The following C1orf167 variants were observed in gnomAD, a reference collection of about 807,000 sequenced individuals.
C1orf167 encodes uncharacterized protein C1orf167.
In C1orf167, 153 loss-of-function variants were observed where a neutral mutation model predicts 176.5. That is an observed-to-expected ratio of 0.87 (90% CI 0.76 to 0.99). The LOEUF (loss-of-function observed/expected upper bound fraction) is 0.99. C1orf167 is among the 50% of genes least tolerant of loss of function. C1orf167 has a pLI of 0.00. For synonymous variants in C1orf167, 594 were observed against 752.7 expected (o/e 0.79, Z 3.45); for missense variants, 1,490 against 1,817.7 (o/e 0.82, Z 3.28).
intron 1 of C1orf167, among the ~76,000 whole-genome samples, chr1:11,763,425 A>C (rs1193422900): frequency 2.0e-5 from 3 of 148,908 alleles, no homozygotes; most frequent in Non-Finnish European, 4.5e-5. Context: ...CCTGGGTGGC[A>C]AAGTGAGACT....
chr1:11,775,283 C>T (rs1056344202), intron 8 of C1orf167, among the ~76,000 whole-genome samples, 152 bp from the exon 9 acceptor site: 2 of 152,108 alleles, frequency 1.3e-5, no homozygotes, highest in South Asian at 2.1e-4. Context: ...AGTGAAACTC[C>T]GTCTACAAAC....
rs1348678321 is a variant in C1orf167, at chr1:11,784,390, G to A, written c.3222G>A (p.Gly1074=). The change falls in exon 15 of 21, where the codon GGG becomes GGA. Residue 1074 remains glycine, a synonymous_variant. Coordinates refer to ENST00000688073, the MANE Select transcript of C1orf167 (RefSeq NM_001010881.2). ...RSCGQQGQED[G]QQKKARAPQA... is the part of the protein sequence containing the mutation. ...GCGGGCAGCAAGGCCAGGAAGATGG[G>A]CAGCAGAAGAAGGCCCGGGCCCCAC... 1 of 1,304,114 alleles carries A rather than the reference G, an allele frequency of 7.7e-7. No homozygotes were observed. Among genetic ancestry groups the A allele is most frequent in the Admixed American group, 2.3e-5 (1 of 43,578 alleles). 80.8% of individuals were successfully genotyped at this position (1,304,114 alleles called of 1,614,324 possible). A position where few individuals can be genotyped will look rare whatever the true frequency, so the allele number is the denominator to read the frequency against.
In C1orf167 at chr1:11,766,328, T is replaced by A; in HGVS notation, c.542T>A (p.Phe181Tyr). The A allele has an allele frequency of 1.6e-6, 2 of 1,285,194 alleles. No individual in the cohort carries two copies. Among genetic ancestry groups the A allele is most frequent in the Non-Finnish European group, 2.0e-6 (2 of 987,076 alleles). The allele number at this position is 1,285,194 out of a possible 1,614,324, so 79.6% of individuals were successfully genotyped here. ...GCCCCAGGCACCCCTAGCGGGGACT[T>A]CAGGCCCACTGAAGCCTTTGCCCCT... is the stretch of plus-strand genomic sequence containing the variant. ...LPAPGTPSGD[F>Y]RPTEAFAPLD... The change falls in exon 3 of 21, where the codon TTC (phenylalanine) becomes TAC (tyrosine). Residue 181 changes from phenylalanine (F) to tyrosine (Y), a missense_variant. Transcript: ENST00000688073. The surrounding 1 kb of genome is among the most constrained non-coding windows in gnomAD (Gnocchi z 4.5).
chr1:11,789,220 C>A, intron 20 of C1orf167, 50 bp from the exon 21 acceptor site: 1 of 1,294,722 alleles, frequency 7.7e-7, no homozygotes. Flanking sequence ...ACAGCACAGA[C>A]CCCGGAGAAA....
intron 14 of C1orf167, among the ~76,000 whole-genome samples, chr1:11,783,671 G>T (rs988214840): frequency 2.0e-5 from 3 of 152,144 alleles, no homozygotes; most frequent in Non-Finnish European, 4.4e-5. Flanking sequence ...CATACTGCTG[G>T]TTCCCATCCC....
chr1:11,788,146 C>T lies in C1orf167; in HGVS notation c.3849-3C>T. On this transcript the variant is annotated splice_region_variant and splice_polypyrimidine_tract_variant and intron_variant, in intron 18 of 20. Coordinates refer to ENST00000688073, the MANE Select transcript of C1orf167 (RefSeq NM_001010881.2). ...TGGCTACAGCTGGGCCCTCTCTGGC[C>T]AGTGCTCGTTCCTGCAGGATCCTGG... is the stretch of plus-strand genomic sequence containing the variant. The T allele has an allele frequency of 7.8e-7, 1 of 1,284,442 alleles. No individual in the cohort carries two copies. Among genetic ancestry groups the T allele is most frequent in the East Asian group, 5.7e-5 (1 of 17,524 alleles). The allele number at this position is 1,284,442 out of a possible 1,614,324, so 79.6% of individuals were successfully genotyped here. A position where few individuals can be genotyped will look rare whatever the true frequency, so the allele number is the denominator to read the frequency against.
rs368759971 is a variant in C1orf167, at chr1:11,766,914, G to A, written c.1128G>A (p.Gly376=). 2 of 1,225,614 alleles carry A rather than the reference G, an allele frequency of 1.6e-6. No individual in the cohort carries two copies. The highest frequency in any genetic ancestry group is 2.1e-6 in the Non-Finnish European group (2 of 956,094). 75.9% of individuals were successfully genotyped at this position (1,225,614 alleles called of 1,614,324 possible). Residue 376 remains glycine, a synonymous_variant, in exon 3 of 21, where the codon GGG becomes GGA. Coordinates refer to ENST00000688073, the MANE Select transcript of C1orf167 (RefSeq NM_001010881.2). The surrounding 1 kb of genome is among the most constrained non-coding windows in gnomAD (Gnocchi z 4.5). The part of the protein sequence containing the change: ...AQRGDPSLPR[G]VGSRGTDPCS... The stretch of plus-strand genomic sequence containing the variant: ...GGGGTGACCCCAGTCTCCCTCGAGG[G>A]GTGGGAAGCAGGGGGACCGACCCCT...
chr1:11,775,338 C>A, intron 8 of C1orf167, 97 bp from the exon 9 acceptor site: 1 of 987,246 alleles, frequency 1.0e-6, no homozygotes, highest in Non-Finnish European at 1.3e-6. Flanking sequence ...AGTGGCTTGC[C>A]CAAGGCCTGG....
Position 11,768,266 on chromosome 1 carries a change from C to A in C1orf167, c.1533C>A (p.Ser511Arg), listed in dbSNP as rs769590177. 1 of 1,289,904 alleles carries A rather than the reference C, an allele frequency of 7.8e-7. No individual in the cohort carries two copies. The highest frequency in any genetic ancestry group is 1.2e-5 in the South Asian group (1 of 81,014). 79.9% of individuals were successfully genotyped at this position (1,289,904 alleles called of 1,614,324 possible). Reference protein sequence around the residue: ...GQYTKVLLVRSFREWRNLALQ... With the variant: ...GQYTKVLLVRRFREWRNLALQ... ...ACACAAAGGTTCTGCTGGTCCGGAG[C>A]TTCCGAGAGGTCAGCGGTCTCCAGG... Residue 511 changes from serine (S) to arginine (R), a missense_variant, in exon 5 of 21, where the codon AGC (serine) becomes AGA (arginine). Transcript: ENST00000688073. This position sits in a 1 kb window ranked among gnomAD's most constrained non-coding sequence, Gnocchi z 4.5.
At chr1:11,764,289 G>C in intron 1 of C1orf167, 42 bp from the exon 2 acceptor site, 1 of 765,236 alleles carries the variant, frequency 1.3e-6, no homozygotes, top group Non-Finnish European at 2.0e-6. Context: ...AGAATGGGGT[G>C]GGGTTGAATG....
intron 13 of C1orf167, among the ~76,000 whole-genome samples, chr1:11,781,324 T>C (rs1171172871): frequency 6.6e-6 from 1 of 152,108 alleles, no homozygotes; most frequent in African/African-American, 2.4e-5. Context: ...TAACCTGATA[T>C]CAGAAGTGAC....
Position 11,788,688 on chromosome 1 carries a change from T to G in C1orf167, c.4115T>G (p.Val1372Gly). 7.7e-7 allele frequency: 1 copy of G among 1,304,150 alleles called. No individual in the cohort carries two copies. The highest frequency in any genetic ancestry group is 1.0e-6 in the Non-Finnish European group (1 of 988,906). The allele number at this position is 1,304,150 out of a possible 1,614,324, so 80.8% of individuals were successfully genotyped here. A position where few individuals can be genotyped will look rare whatever the true frequency, so the allele number is the denominator to read the frequency against. Residue 1372 changes from valine (V) to glycine (G), a missense_variant, in exon 20 of 21, where the codon GTG (valine) becomes GGG (glycine). By Grantham distance (109) the Val-to-Gly change is moderately radical. Transcript: ENST00000688073. ...GVAPEMGLAD[V>G]VAADPATASG... ...GCACCTGAGATGGGCCTGGCAGACG[T>G]GGTGGCAGCGGATCCTGCGACTGCG...
rs1272390942 is a variant in C1orf167 at position 11,765,934 on chromosome 1, G to A, written c.148G>A (p.Glu50Lys). The A allele has an allele frequency of 8.0e-7, 1 of 1,248,912 alleles. No homozygotes were observed. Among genetic ancestry groups the A allele is most frequent in the East Asian group, 5.7e-5 (1 of 17,656 alleles). 77.4% of individuals were successfully genotyped at this position (1,248,912 alleles called of 1,614,324 possible). A position where few individuals can be genotyped will look rare whatever the true frequency, so the allele number is the denominator to read the frequency against. Residue 50 changes from glutamate (E) to lysine (K), a missense_variant, in exon 3 of 21, where the codon GAG (glutamate) becomes AAG (lysine). By Grantham distance (56) the Glu-to-Lys change is moderately conservative (BLOSUM62 1). Coordinates refer to ENST00000688073, the MANE Select transcript of C1orf167 (RefSeq NM_001010881.2). ...CCAGTGGGTGCCCGGGTGCCAGGTG[G>A]AGAGGGGAGGGCCTGCTGCCACACC... Reference protein sequence around the residue: ...HDQWVPGCQVERGGPAATPSP... With the variant: ...HDQWVPGCQVKRGGPAATPSP...
At chr1:11,763,836 T>C (rs1258682556) in intron 1 of C1orf167, among the ~76,000 whole-genome samples, 1 of 151,986 alleles carries the variant, frequency 6.6e-6, no homozygotes, top group African/African-American at 2.4e-5. Context: ...TGGATGCGTG[T>C]GGGAGGCAGA....
chr1:11,784,349 G>T lies in C1orf167; in HGVS notation c.3181G>T (p.Ala1061Ser), dbSNP rs906473112. ...GCAGCGTGTGGCCCAGGCCTCCCTT[G>T]CCCGCTGGAGAAGCTGCGGGCAGCA... ...QEQRVAQASL[A>S]RWRSCGQQGQ... Residue 1061 changes from alanine to serine, a missense_variant, in exon 15 of 21, where the codon GCC becomes TCC. Coordinates refer to ENST00000688073, the MANE Select transcript of C1orf167 (RefSeq NM_001010881.2). The T allele has an allele frequency of 4.6e-6, 6 of 1,303,986 alleles. No individual in the cohort carries two copies. Among genetic ancestry groups the T allele is most frequent in the Non-Finnish European group, 6.1e-6 (6 of 988,858 alleles). The allele number at this position is 1,303,986 out of a possible 1,614,324, so 80.8% of individuals were successfully genotyped here.
At chr1:11,763,736 G>C (rs910025820) in intron 1 of C1orf167, among the ~76,000 whole-genome samples, 1 of 152,196 alleles carries the variant, frequency 6.6e-6, no homozygotes, top group Non-Finnish European at 1.5e-5. Context: ...AGAGGAGGCT[G>C]TCGGGCGTGA....
At chr1:11,778,876 T>G in intron 11 of C1orf167, 50 bp from the exon 12 acceptor site, 1 of 1,293,316 alleles carries the variant, frequency 7.7e-7, no homozygotes, top group South Asian at 1.2e-5. Context: ...GTGGAGATTG[T>G]GGGAAGGGGA....
intron 20 of C1orf167, chr1:11,788,964 C>T (rs966221316): frequency 4.9e-5 from 19 of 387,322 alleles, no homozygotes; most frequent in South Asian, 3.5e-4. Context: ...CAGGCCCACC[C>T]GGTCCATCAG....
rs1178016197 is a variant in C1orf167, at chr1:11,771,593, C to A, written c.1767C>A (p.Ser589Arg). The stretch of plus-strand genomic sequence containing the variant: ...CACATCCTAGGCAGAGAACAGACAG[C>A]AGACACGAGAGAGTCCAGATCCTGC... ...LLSHPRQRTD[S>R]RHERVQILQA... Residue 589 changes from serine (S) to arginine (R), a missense_variant, in exon 7 of 21, where the codon AGC becomes AGA. By Grantham distance (110) the Ser-to-Arg change is moderately radical (BLOSUM62 -1). Coordinates refer to ENST00000688073, the MANE Select transcript of C1orf167 (RefSeq NM_001010881.2). 1 of 1,289,718 alleles carries A rather than the reference C, an allele frequency of 7.8e-7. No homozygotes were observed. Among genetic ancestry groups the A allele is most frequent in the African/African-American group, 1.5e-5 (1 of 65,866 alleles). 79.9% of individuals were successfully genotyped at this position (1,289,718 alleles called of 1,614,324 possible).
Sources: allele counts gnomAD v4.1 joint callset (sites outside exome capture counted in the v4.1 genomes callset), GRCh38; gene constraint gnomAD v4.1.1; non-coding constraint Gnocchi (gnomAD v3.1); transcripts MANE v1.5; gene names NCBI Gene and HGNC (gene_info 2026-07-23, HGNC 2026-07-21).